TAFA4: variants seen among roughly 807,000 people sequenced by gnomAD.
TAFA4 encodes TAFA chemokine like family member 4, also known as chemokine-like protein TAFA-4.
A neutral mutation model predicts 21.1 loss-of-function variants in TAFA4; 20 were observed. The ratio of observed to expected loss-of-function variants is 0.95; its 90% CI spans 0.67 to 1.38. TAFA4 has a LOEUF of 1.38. Ranked by LOEUF, TAFA4 falls within the 40% of genes most tolerant of loss-of-function variation. The pLI, the probability that TAFA4 is intolerant of heterozygous loss-of-function variation, is 0.00. For missense variants in TAFA4, 211 were observed against 180.9 expected, an observed-to-expected ratio of 1.17 and a Z score of -0.95; for synonymous variants, 71 against 67.4, an observed-to-expected ratio of 1.05 and a Z score of -0.26.
intron 4 of TAFA4, 142 bp downstream of exon 4, chr3:68,752,721 G>A (rs1575595465): frequency 1.0e-5 from 9 of 902,978 alleles, no homozygotes; most frequent in Middle Eastern, 3.1e-4. Flanking sequence ...TTTTGGAGTT[G>A]TATTTATGTA....
intron 4 of TAFA4, among the ~76,000 whole-genome samples, chr3:68,750,620 A>G (rs1338411977): frequency 1.3e-5 from 2 of 152,202 alleles, no homozygotes; most frequent in African/African-American, 4.8e-5. Context: ...GCCCATACAT[A>G]CAATTTAAAA....
intron 3 of TAFA4, among the ~76,000 whole-genome samples, chr3:68,833,121 T>C (rs1414025219): frequency 6.6e-6 from 1 of 152,194 alleles, no homozygotes; most frequent in African/African-American, 2.4e-5. Context: ...ACAGCTTCCC[T>C]TGGCTAGGAA....
rs531194548 is a variant in TAFA4, at chr3:68,932,387, A to C, written c.-270T>G. The C allele has an allele frequency of 1.3e-5, 2 of 152,488 alleles. No individual in the cohort carries two copies. Among genetic ancestry groups the C allele is most frequent in the African/African-American group, 4.8e-5 (2 of 41,590 alleles). 9.4% of individuals were successfully genotyped at this position (152,488 alleles called of 1,614,324 possible). ...CCTCTGCAGCCTCGCCAGGAGAAGA[A>C]AAGTTCCCACGTCTCTACCAGGAGA... On this transcript the variant is annotated 5_prime_UTR_variant, in exon 1 of 6. Transcript: ENST00000295569.
At chr3:68,812,134 T>C (rs1703855147) in intron 3 of TAFA4, among the ~76,000 whole-genome samples, 1 of 152,216 alleles carries the variant, frequency 6.6e-6, no homozygotes, top group South Asian at 2.1e-4. Flanking sequence ...TGAGAGATTC[T>C]GTCACCACCA....
chr3:68,806,292 G>A (rs1342049926), intron 3 of TAFA4, among the ~76,000 whole-genome samples: 2 of 152,162 alleles, frequency 1.3e-5, no homozygotes, highest in Admixed American at 6.6e-5. Context: ...AGAAGAGACA[G>A]TCTTTTAGCA....
At chr3:68,749,037 A>G (rs1045060827) in intron 4 of TAFA4, among the ~76,000 whole-genome samples, 1 of 152,246 alleles carries the variant, frequency 6.6e-6, no homozygotes, top group African/African-American at 2.4e-5. Context: ...AAGAATGCTT[A>G]CCAGCTGAAT....
chr3:68,744,062 A>T (rs1398729307), intron 4 of TAFA4, among the ~76,000 whole-genome samples: 1 of 152,234 alleles, frequency 6.6e-6, no homozygotes, highest in Non-Finnish European at 1.5e-5. Flanking sequence ...TTGTATTTAC[A>T]TAGAATTAGA....
chr3:68,893,110 T>C (rs142130852), intron 1 of TAFA4, among the ~76,000 whole-genome samples: 4 of 152,330 alleles, frequency 2.6e-5, no homozygotes, highest in Admixed American at 6.5e-5. Context: ...AATTGGAAAT[T>C]TTCCTCTCAT....
intron 2 of TAFA4, among the ~76,000 whole-genome samples, chr3:68,884,839 A>T (rs1433122788): frequency 6.6e-6 from 1 of 152,260 alleles, no homozygotes; most frequent in African/African-American, 2.4e-5. Context: ...CCTGTCTCTA[A>T]AACAAGTATT....
chr3:68,931,582 G>T (rs565246040), intron 1 of TAFA4, among the ~76,000 whole-genome samples: 3 of 152,338 alleles, frequency 2.0e-5, no homozygotes, highest in Admixed American at 1.3e-4. Context: ...GGGAAAAAGA[G>T]CGAAAGAAAT....
rs1355228496 is a variant in TAFA4, at chr3:68,783,745, G to GAAAGAAAGAAAA, written c.131-30728_131-30727insTTTTCTTTCTTT. Among the ~76,000 whole-genome samples, 349 of 95,754 alleles carry GAAAGAAAGAAAA rather than the reference G, an allele frequency of 3.6e-3. 5 individuals are homozygous for GAAAGAAAGAAAA. Among genetic ancestry groups the GAAAGAAAGAAAA allele is most frequent in the African/African-American group, 0.011 (337 of 31,726 alleles). 62.8% of individuals were successfully genotyped at this position (95,754 alleles called of 152,430 possible). A position where few individuals can be genotyped will look rare whatever the true frequency, so the allele number is the denominator to read the frequency against. ...AGAAAGAAAGAAAGAAAGAAAGAAA[G>GAAAGAAAGAAAA]TAAGAAAGAAAGAAACAAAAACAAA... On this transcript the variant is annotated intron_variant, in intron 3 of 5. Transcript: ENST00000295569.
chr3:68,771,918 G>A (rs1358265409), intron 3 of TAFA4, among the ~76,000 whole-genome samples: 2 of 152,192 alleles, frequency 1.3e-5, no homozygotes, highest in African/African-American at 4.8e-5. Flanking sequence ...CAAGAGAATT[G>A]CTTCTTCAAA....
At chr3:68,733,478 A>G (rs1003288076) in intron 5 of TAFA4, among the ~76,000 whole-genome samples, 1 of 152,244 alleles carries the variant, frequency 6.6e-6, no homozygotes, top group Non-Finnish European at 1.5e-5. Context: ...TAATGGCACT[A>G]GAATTTTTTC....
chr3:68,762,456 G>A (rs116547400), intron 3 of TAFA4, among the ~76,000 whole-genome samples: 2,034 of 152,276 alleles, frequency 0.013, 45 homozygotes, highest in African/African-American at 0.046. Context: ...TGAATAGGTA[G>A]AAGGAAATGG....
chr3:68,886,952 T>C (rs943701912), intron 1 of TAFA4, among the ~76,000 whole-genome samples: 1 of 152,224 alleles, frequency 6.6e-6, no homozygotes, highest in Non-Finnish European at 1.5e-5. Context: ...CCAAAACTCA[T>C]GTTCTTCTTA....
At chr3:68,775,186 C>G (rs1287665757) in intron 3 of TAFA4, among the ~76,000 whole-genome samples, 1 of 152,138 alleles carries the variant, frequency 6.6e-6, no homozygotes, top group Non-Finnish European at 1.5e-5. Flanking sequence ...GCCTCTAACA[C>G]AATAGGATTT....
At chr3:68,808,013 C>T (rs146104420) in intron 3 of TAFA4, among the ~76,000 whole-genome samples, 40 of 151,964 alleles carry the variant, frequency 2.6e-4, no homozygotes, top group African/African-American at 8.7e-4. Flanking sequence ...GGGTGTTTAA[C>T]ATATGTATAT....
chr3:68,778,019 C>G (rs1187817915), intron 3 of TAFA4, among the ~76,000 whole-genome samples: 3 of 152,116 alleles, frequency 2.0e-5, no homozygotes, highest in Admixed American at 2.0e-4. Flanking sequence ...TTAAGCAACA[C>G]ATGACTGTAG....
intron 3 of TAFA4, among the ~76,000 whole-genome samples, chr3:68,814,951 G>T (rs938625342): frequency 1.3e-5 from 2 of 152,118 alleles, no homozygotes; most frequent in Admixed American, 1.3e-4. Flanking sequence ...GCATGGTGCA[G>T]GTACCAAAAC....
Sources: gnomAD v4.1 joint callset for allele counts (sites outside exome capture counted in the v4.1 genomes callset) on GRCh38, gnomAD v4.1.1 for gene constraint, MANE v1.5 for transcripts, NCBI Gene and HGNC (gene_info 2026-07-23, HGNC 2026-07-21) for gene names.